Variants in RNFT1 observed in about 807,000 individuals in gnomAD.
The protein encoded by RNFT1 is ring finger protein, transmembrane 1, also known as E3 ubiquitin-protein ligase RNFT1.
Under a neutral mutation model 53.2 loss-of-function variants are expected in RNFT1, and 35 were observed. The ratio of observed to expected loss-of-function variants is 0.66; its 90% CI spans 0.50 to 0.87. RNFT1 has a LOEUF of 0.87. Among genes scored for constraint, RNFT1 ranks in the 40% least tolerant of loss-of-function variants. The probability of loss-of-function intolerance (pLI) is 0.00; values close to 1 mark genes in which losing one functional copy is unlikely to be tolerated. For missense variants in RNFT1, 421 were observed against 515.0 expected, an observed-to-expected ratio of 0.82 and a Z score of 1.77; for synonymous variants, 141 against 172.8, an observed-to-expected ratio of 0.82 and a Z score of 1.44.
intron 1 of RNFT1, among the ~76,000 whole-genome samples, chr17:59,963,976 GTC>G (rs1029609205): frequency 6.6e-6 from 1 of 152,174 alleles, no homozygotes; most frequent in African/African-American, 2.4e-5. Context: ...TAACTCTTTA[GTC>G]TGAATAAGCA....
rs111953367 is a variant in RNFT1 at position 59,963,383 on chromosome 17, A to G, written c.57-99T>C. 6.8e-5 allele frequency: 67 copies of G among 982,522 alleles called. No homozygotes were observed. The African/African-American group carries it at 9.9e-4, about 14-fold the overall frequency. 60.9% of individuals were successfully genotyped at this position (982,522 alleles called of 1,614,324 possible). ...CCTTTATTCACTAAAGGAGTAGCAA[A>G]TAATCACAACAGATGAATTTTCAGG... On this transcript the variant is annotated intron_variant, in intron 1 of 8. Transcript: ENST00000305783.
chr17:59,960,525 C>A (rs2045283618), intron 3 of RNFT1, among the ~76,000 whole-genome samples: 1 of 149,434 alleles, frequency 6.7e-6, no homozygotes, highest in African/African-American at 2.5e-5. Flanking sequence ...AAAGGACCCA[C>A]CCAGGACGGG....
rs563223522 is a variant in RNFT1 at position 59,960,135 on chromosome 17, G to C, written c.625C>G (p.Leu209Val). 252 of 1,609,448 alleles carry C rather than the reference G, an allele frequency of 1.6e-4. 5 individuals are homozygous for C. In the South Asian group the frequency reaches 2.7e-3, roughly 17 times the overall value. ...ACAGAAGATCCTGCTAAGAATACCAGTAACCAAGCACACTGAATCTTTGAG... is the reference window on the plus strand; with the variant it reads ...ACAGAAGATCCTGCTAAGAATACCACTAACCAAGCACACTGAATCTTTGAG... Reference protein sequence around the residue: ...RSSKIQCAWLLVFLAGSSVLL... With the variant: ...RSSKIQCAWLVVFLAGSSVLL... The change falls in exon 4 of 9, where the codon CTG (leucine) becomes GTG (valine). Residue 209 changes from leucine (L) to valine (V), a missense_variant. Coordinates refer to ENST00000305783, the MANE Select transcript of RNFT1 (RefSeq NM_016125.4).
At chr17:59,962,320 A>ATT in intron 3 of RNFT1, 1 of 440,648 alleles carries the variant, frequency 2.3e-6, no homozygotes, top group South Asian at 4.2e-5. Context: ...ACAGTAACCA[A>ATT]TTTTTTTTTC....
Position 59,958,414 on chromosome 17 carries a change from A to G in RNFT1, c.723T>C (p.His241=), listed in dbSNP as rs370573890. 25 of 1,593,228 alleles carry G rather than the reference A, an allele frequency of 1.6e-5. No individual in the cohort carries two copies. The highest frequency in any genetic ancestry group is 7.0e-5 in the South Asian group (6 of 85,406). The change falls in exon 5 of 9, where the codon CAT becomes CAC. Residue 241 remains histidine, a synonymous_variant. Transcript: ENST00000305783. ...TCCAAAATACTTCCCAGAAGCTCAA[A>G]TGGTCCAAAGTAGGATTTAAAAAAA... is the stretch of plus-strand genomic sequence containing the variant. ...SLIFLNPTLD[H]LSFWEVFWIV...
At position 59,963,946 on chromosome 17, in the gene RNFT1, G is replaced by A. The variant is rs151281621; in HGVS notation, c.56+662C>T. ...ATTTAAAGCATAGATACTTTGGAGAGTCACCACGTAATTGCTAGGTAACTC... is the reference window on the plus strand; with the variant it reads ...ATTTAAAGCATAGATACTTTGGAGAATCACCACGTAATTGCTAGGTAACTC... On this transcript the variant is annotated intron_variant, in intron 1 of 8. Coordinates refer to ENST00000305783, the MANE Select transcript of RNFT1 (RefSeq NM_016125.4). 2.6e-5 allele frequency among the ~76,000 whole-genome samples: 4 copies of A among 152,266 alleles called. No homozygotes were observed. The South Asian group carries it at 6.2e-4, about 24-fold the overall frequency.
At chr17:59,961,053 T>C (rs1158188393) in intron 3 of RNFT1, among the ~76,000 whole-genome samples, 1 of 151,672 alleles carries the variant, frequency 6.6e-6, no homozygotes, top group Non-Finnish European at 1.5e-5. Flanking sequence ...TTTTACTTTT[T>C]TGAGACTGGG....
At chr17:59,962,123 G>C (rs1209928845) in intron 3 of RNFT1, among the ~76,000 whole-genome samples, 1 of 152,004 alleles carries the variant, frequency 6.6e-6, no homozygotes, top group African/African-American at 2.4e-5. Flanking sequence ...CTGACCTCAT[G>C]ATCTGCCCGC....
chr17:59,957,262 G>T lies in RNFT1; in HGVS notation c.967C>A (p.Leu323Ile). 1 of 1,613,810 alleles carries T rather than the reference G, an allele frequency of 6.2e-7. No individual in the cohort carries two copies. The stretch of plus-strand genomic sequence containing the variant: ...TAGAGTAAAGCCAGCAGTATCCCAA[G>T]ACTCCATCTAGTTACGTTACCAAAC... ...GEFGNVTRWS[L>I]GILLALLYLI... The change falls in exon 6 of 9, where the codon CTT becomes ATT. Residue 323 changes from leucine to isoleucine, a missense_variant. Coordinates refer to ENST00000305783, the MANE Select transcript of RNFT1 (RefSeq NM_016125.4).
At position 59,962,970 on chromosome 17, in the gene RNFT1, C is replaced by T; in HGVS notation, c.371G>A (p.Arg124Lys). 2 of 1,614,234 alleles carry T rather than the reference C, an allele frequency of 1.2e-6. No homozygotes were observed. The highest frequency in any genetic ancestry group is 1.7e-6 in the Non-Finnish European group (2 of 1,180,042). Residue 124 changes from arginine (R) to lysine (K), a missense_variant, in exon 2 of 9, where the codon AGG becomes AAG. Coordinates refer to ENST00000305783, the MANE Select transcript of RNFT1 (RefSeq NM_016125.4). ...TTCTGCGGCAGTATCATCAGTCAGC[C>T]TTGCTTCACTGTGGGAGTGACCCCG... is the stretch of plus-strand genomic sequence containing the variant. ...RLRGHSHSEA[R>K]LTDDTAAESG...
chr17:59,962,859 A>C lies in RNFT1; in HGVS notation c.482T>G (p.Leu161Arg). The C allele has an allele frequency of 1.2e-6, 2 of 1,612,582 alleles. No individual in the cohort carries two copies. The highest frequency in any genetic ancestry group is 1.7e-6 in the Non-Finnish European group (2 of 1,178,596). The change falls in exon 2 of 9, where the codon CTG becomes CGG. Residue 161 changes from leucine to arginine, a missense_variant. Physicochemically the swap from Leu to Arg is moderately radical, Grantham distance 102. Transcript: ENST00000305783. ...LQKSLPYILI[L>R]SVKLVMQHIT... The stretch of plus-strand genomic sequence containing the variant: ...ATGCTGCATAACAAGTTTGACGCTC[A>C]GAATCAAAATATATGGAAGACTTTT...
intron 1 of RNFT1, 25 bp downstream of exon 1, chr17:59,964,583 T>C: frequency 6.3e-7 from 1 of 1,577,046 alleles, no homozygotes; most frequent in African/African-American, 1.4e-5. Context: ...CGCCTCCTCC[T>C]CTGCCCGCTT....
At chr17:59,957,780 G>A (rs2145116683) in intron 5 of RNFT1, among the ~76,000 whole-genome samples, 1 of 152,222 alleles carries the variant, frequency 6.6e-6, no homozygotes, top group Admixed American at 6.5e-5. Flanking sequence ...AGGAGGCGGA[G>A]GTTGCAGTGA....
At position 59,952,426 on chromosome 17, in the gene RNFT1, A is replaced by G. The variant is rs959725684; in HGVS notation, c.*551T>C. 2.6e-5 allele frequency: 4 copies of G among 152,304 alleles called. No homozygotes were observed. The highest frequency in any genetic ancestry group is 9.7e-5 in the African/African-American group (4 of 41,438). The allele number at this position is 152,304 out of a possible 1,614,324, so 9.4% of individuals were successfully genotyped here. ...CTACAGAGAATAATACAATACTATA[A>G]TGTATCATCCTCAGTAAATTAATCT... On this transcript the variant is annotated 3_prime_UTR_variant, in exon 9 of 9. Coordinates refer to ENST00000305783, the MANE Select transcript of RNFT1 (RefSeq NM_016125.4).
At chr17:59,957,430 A>G in intron 5 of RNFT1, 48 bp from the exon 6 acceptor site, 1 of 1,418,198 alleles carries the variant, frequency 7.1e-7, no homozygotes, top group Non-Finnish European at 9.7e-7. Context: ...CTACTTAACT[A>G]CATAGCACAA....
In RNFT1 at chr17:59,963,027, C is replaced by G. The variant is rs1196667792; in HGVS notation, c.314G>C (p.Ser105Thr). The change falls in exon 2 of 9, where the codon AGC (serine) becomes ACC (threonine). Residue 105 changes from serine (S) to threonine (T), a missense_variant. Transcript: ENST00000305783. The part of the protein sequence containing the change: ...SSRNIRSGVH[S>T]CAHGCVHSRL... ...ACTGTGTACACATCCATGGGCACAGCTATGGACACCTGACCTTATATTTCT... is the reference window on the plus strand; with the variant it reads ...ACTGTGTACACATCCATGGGCACAGGTATGGACACCTGACCTTATATTTCT... 1 of 1,614,220 alleles carries G rather than the reference C, an allele frequency of 6.2e-7. No individual in the cohort carries two copies. The highest frequency in any genetic ancestry group is 1.1e-5 in the South Asian group (1 of 91,090).
chr17:59,964,593 T>TC lies in RNFT1; in HGVS notation c.56+14dup. ...CTCGCCGCCTCCTCCTCTGCCCGCT[T>TC]CCCCCAGGCCTAACCTCTCATGACC... On this transcript the variant is annotated intron_variant, in intron 1 of 8. Transcript: ENST00000305783. 6.3e-7 allele frequency: 1 copy of TC among 1,590,444 alleles called. No homozygotes were observed. Among genetic ancestry groups the TC allele is most frequent in the South Asian group, 1.1e-5 (1 of 87,578 alleles).
chr17:59,964,313 G>T (rs529420533), intron 1 of RNFT1, among the ~76,000 whole-genome samples: 12 of 152,312 alleles, frequency 7.9e-5, no homozygotes, highest in African/African-American at 2.9e-4. Context: ...TTTCACTAAA[G>T]GCTTTCACCG....
chr17:59,964,078 AGATCTCTCTAATAAAT>A (rs759616510), intron 1 of RNFT1, among the ~76,000 whole-genome samples: 23 of 152,162 alleles, frequency 1.5e-4, no homozygotes, highest in Non-Finnish European at 2.8e-4. Flanking sequence ...TAGCAGAGAA[AGATCTCTCTAATAAAT>A]GATCCAGTGT....
Sources: gnomAD v4.1 joint callset for allele counts (sites outside exome capture counted in the v4.1 genomes callset) on GRCh38, gnomAD v4.1.1 for gene constraint, MANE v1.5 for transcripts, NCBI Gene and HGNC (gene_info 2026-07-23, HGNC 2026-07-21) for gene names.